SAP130: variants seen among roughly 807,000 people sequenced by gnomAD.
SAP130 encodes the protein Sin3A associated protein 130, also known as histone deacetylase complex subunit SAP130.
A neutral mutation model predicts 103.2 loss-of-function variants in SAP130; 16 were observed. The observed-to-expected ratio is 0.16, with a 90% CI of 0.10 to 0.24. The LOEUF (loss-of-function observed/expected upper bound fraction) is 0.24. Ranked by LOEUF, SAP130 falls within the 10% of genes least tolerant of loss-of-function variation. The pLI, the probability that SAP130 is intolerant of heterozygous loss-of-function variation, is 1.00. For missense variants in SAP130, 990 were observed against 1,359.7 expected, an observed-to-expected ratio of 0.73 and a Z score of 4.28; for synonymous variants, 477 against 497.0, an observed-to-expected ratio of 0.96 and a Z score of 0.53.
chr2:127,982,058 C>T (rs987745778), intron 14 of SAP130, among the ~76,000 whole-genome samples: 5 of 151,926 alleles, frequency 3.3e-5, no homozygotes, highest in African/African-American at 1.2e-4. Flanking sequence ...TATTTTGAGA[C>T]TATACATGCG....
chr2:128,008,775 T>C (rs1684164970), intron 7 of SAP130, among the ~76,000 whole-genome samples: 1 of 151,616 alleles, frequency 6.6e-6, no homozygotes, highest in African/African-American at 2.4e-5. Flanking sequence ...AGACTCAATC[T>C]CCAGGGCTCA....
rs190568860 is a variant in SAP130, at chr2:128,023,575, C to T, written c.112+2606G>A. Among the ~76,000 whole-genome samples the T allele has an allele frequency of 1.8e-3, 269 of 152,136 alleles. 1 individual carries two copies. The highest frequency in any genetic ancestry group is 6.2e-3 in the African/African-American group (259 of 41,504). On this transcript the variant is annotated intron_variant, in intron 2 of 20. Coordinates refer to ENST00000643581, the MANE Select transcript of SAP130 (RefSeq NM_001330301.2). ...CGGGCAGATCAAGAGGTCAGGAGATCGAGACTATCCTGGCTAACACAGTGA... is the reference window on the plus strand; with the variant it reads ...CGGGCAGATCAAGAGGTCAGGAGATTGAGACTATCCTGGCTAACACAGTGA...
At chr2:128,007,789 C>G (rs913689169) in intron 7 of SAP130, among the ~76,000 whole-genome samples, 4 of 152,204 alleles carry the variant, frequency 2.6e-5, no homozygotes, top group African/African-American at 9.7e-5. Context: ...AGGCCCTCTT[C>G]TCACTCTCTA....
intron 10 of SAP130, among the ~76,000 whole-genome samples, chr2:127,997,650 G>A (rs1378146118): frequency 6.6e-6 from 1 of 152,220 alleles, no homozygotes; most frequent in Admixed American, 6.5e-5. Flanking sequence ...GGGATGGTGA[G>A]CAGGGGGCAA....
Position 127,989,579 on chromosome 2 carries a change from C to T in SAP130, c.1765G>A (p.Glu589Lys), listed in dbSNP as rs1442913648. ...TTAAAATTACCTGAAGTCTTTCCTT[C>T]AGGCTGAGGCTGCTGAGTACCCATA... is the stretch of plus-strand genomic sequence containing the variant. The part of the protein sequence containing the change: ...APMGTQQPQP[E>K]GKTSAVVLAD... Residue 589 changes from glutamate to lysine, a missense_variant, in exon 13 of 21, where the codon GAA (glutamate) becomes AAA (lysine). Transcript: ENST00000643581. This position sits in a 1 kb window ranked among gnomAD's most constrained non-coding sequence, Gnocchi z 4.6. The T allele has an allele frequency of 6.2e-7, 1 of 1,604,672 alleles. No homozygotes were observed. Among genetic ancestry groups the T allele is most frequent in the Non-Finnish European group, 8.5e-7 (1 of 1,174,152 alleles).
intron 19 of SAP130, among the ~76,000 whole-genome samples, chr2:127,943,869 C>T (rs111730339): frequency 1.3e-5 from 2 of 152,182 alleles, no homozygotes; most frequent in African/African-American, 4.8e-5. Flanking sequence ...AACAAATTAA[C>T]CGTAGCATAC....
chr2:127,959,435 C>T lies in SAP130; in HGVS notation c.2064-4091G>A, dbSNP rs114718807. 4.5e-3 allele frequency among the ~76,000 whole-genome samples: 691 copies of T among 152,280 alleles called. 6 individuals are homozygous for T. Among genetic ancestry groups the T allele is most frequent in the African/African-American group, 0.016 (647 of 41,532 alleles). Reference sequence around the variant, plus strand: ...AGGCTGAGAAGAGTCTAGACTTACCCGGCCAGGTTGTAATGAGAGACCTCA... The same window carrying T: ...AGGCTGAGAAGAGTCTAGACTTACCTGGCCAGGTTGTAATGAGAGACCTCA... On this transcript the variant is annotated intron_variant, in intron 15 of 20. Transcript: ENST00000643581.
rs1345632829 is a variant in SAP130, at chr2:128,005,539, C to CG, written c.869+4729dup. Reference sequence around the variant, plus strand: ...CTGAGGCAAGAGAATGGCTTGAACCCGGGGGGTGGAGACTGCAGTGAGCTG... The same window carrying CG: ...CTGAGGCAAGAGAATGGCTTGAACCCGGGGGGGTGGAGACTGCAGTGAGCTG... On this transcript the variant is annotated intron_variant, in intron 7 of 20. Transcript: ENST00000643581. Among the ~76,000 whole-genome samples the CG allele has an allele frequency of 3.3e-5, 5 of 151,770 alleles. No homozygotes were observed. The South Asian group carries it at 1.0e-3, about 32-fold the overall frequency.
intron 7 of SAP130, among the ~76,000 whole-genome samples, chr2:128,002,316 T>C (rs549753876): frequency 2.0e-5 from 3 of 152,146 alleles, no homozygotes; most frequent in East Asian, 1.9e-4. Flanking sequence ...CTGAGGCAAG[T>C]GGATCAAGTT....
At chr2:127,983,831 T>TG (rs1193246223) in intron 14 of SAP130, among the ~76,000 whole-genome samples, 8 of 123,386 alleles carry the variant, frequency 6.5e-5, no homozygotes, top group Non-Finnish European at 1.3e-4. Context: ...TTGTTTTTTT[T>TG]TTTTTTTTTT....
chr2:127,990,147 C>T (rs1464871316), intron 12 of SAP130, among the ~76,000 whole-genome samples: 1 of 151,938 alleles, frequency 6.6e-6, no homozygotes, highest in Non-Finnish European at 1.5e-5. Flanking sequence ...CAAATATTAG[C>T]CAGGAAACCA....
At chr2:127,964,780 T>G (rs893796856) in intron 15 of SAP130, among the ~76,000 whole-genome samples, 1 of 151,812 alleles carries the variant, frequency 6.6e-6, no homozygotes, top group Non-Finnish European at 1.5e-5. Flanking sequence ...GTGGATCACC[T>G]GAGGCCAGAA....
chr2:127,979,372 A>C (rs558885875), intron 14 of SAP130, among the ~76,000 whole-genome samples: 46 of 152,326 alleles, frequency 3.0e-4, no homozygotes, highest in African/African-American at 1.1e-3. Flanking sequence ...TTAAGCCAGA[A>C]GATTTATGGT....
intron 11 of SAP130, among the ~76,000 whole-genome samples, chr2:127,995,289 CAGAT>C (rs1424886167): frequency 6.6e-6 from 1 of 151,908 alleles, no homozygotes; most frequent in South Asian, 2.1e-4. Context: ...CACAGCCAGA[CAGAT>C]AAAGTTCAAT....
In SAP130 at chr2:127,942,536, G is replaced by A. The variant is rs778136320; in HGVS notation, c.2903C>T (p.Thr968Met). 8 of 1,570,006 alleles carry A rather than the reference G, an allele frequency of 5.1e-6. No individual in the cohort carries two copies. The highest frequency in any genetic ancestry group is 2.7e-5 in the African/African-American group (2 of 73,932). Residue 968 changes from threonine to methionine, a missense_variant and splice_region_variant, in exon 20 of 21, where the codon ACG becomes ATG. Physicochemically the swap from Thr to Met is moderately conservative, Grantham distance 81. Around this residue, in one of 6 missense-constraint regions of SAP130, gnomAD observed 69 missense variants for 165.7 expected, o/e 0.42. Transcript: ENST00000643581. This position sits in a 1 kb window ranked among gnomAD's most constrained non-coding sequence, Gnocchi z 4.8. ...TTCATAGACATCATGTTCTAGATTC[G>A]TCTGCAACACACAAAAGGGAGGGTA... is the stretch of plus-strand genomic sequence containing the variant. ...HLCAAQLLQL[T>M]NLEHDVYERL...
At chr2:127,965,103 T>C (rs751257496) in intron 15 of SAP130, among the ~76,000 whole-genome samples, 3 of 151,824 alleles carry the variant, frequency 2.0e-5, no homozygotes, top group Non-Finnish European at 4.4e-5. Flanking sequence ...AAGACCATCC[T>C]GGCCAACATG....
intron 15 of SAP130, among the ~76,000 whole-genome samples, chr2:127,971,026 C>A (rs1681049084): frequency 6.6e-6 from 1 of 151,884 alleles, no homozygotes; most frequent in Non-Finnish European, 1.5e-5. Flanking sequence ...ACACAACTCA[C>A]TATAAACTCA....
chr2:127,961,065 C>G (rs1680213775), intron 15 of SAP130, among the ~76,000 whole-genome samples: 1 of 150,780 alleles, frequency 6.6e-6, no homozygotes, highest in Non-Finnish European at 1.5e-5. Context: ...TCAGGACTCA[C>G]TGCAGCCTCG....
In SAP130 at chr2:127,984,567, TGTCA is replaced by T. The variant is rs1178708379; in HGVS notation, c.1958+2214_1958+2217del. Among the ~76,000 whole-genome samples the T allele has an allele frequency of 1.3e-5, 2 of 152,304 alleles. 1 individual carries two copies. Among genetic ancestry groups the T allele is most frequent in the Admixed American group, 1.3e-4 (2 of 15,300 alleles). On this transcript the variant is annotated intron_variant, in intron 14 of 20. Coordinates refer to ENST00000643581, the MANE Select transcript of SAP130 (RefSeq NM_001330301.2). Reference sequence around the variant, plus strand: ...AACCCTGTCCTTAAGGAAGCCCTAGTGTCAGTATCTTTAGAGCTTCCCCTTGGGC... The same window carrying T: ...AACCCTGTCCTTAAGGAAGCCCTAGTGTATCTTTAGAGCTTCCCCTTGGGC...
Sources: gnomAD v4.1 joint callset for allele counts (sites outside exome capture counted in the v4.1 genomes callset) on GRCh38, gnomAD v4.1.1 for gene constraint, gnomAD v4.1.1 regional missense constraint, Gnocchi (gnomAD v3.1) non-coding constraint, MANE v1.5 for transcripts, NCBI Gene and HGNC (gene_info 2026-07-23, HGNC 2026-07-21) for gene names.